The following ADGRA3 variants were observed in gnomAD, a reference collection of about 807,000 sequenced individuals.
ADGRA3 encodes adhesion G protein-coupled receptor A3, also known as G-protein coupled receptor 125.
In ADGRA3, 56 loss-of-function variants were observed where a neutral mutation model predicts 119.8. The ratio of observed to expected loss-of-function variants is 0.47; its 90% CI spans 0.38 to 0.58. The LOEUF (loss-of-function observed/expected upper bound fraction) is 0.58. ADGRA3 is among the 20% of genes least tolerant of loss of function. The probability of loss-of-function intolerance (pLI) is 0.00; values close to 1 mark genes in which losing one functional copy is unlikely to be tolerated. For synonymous variants in ADGRA3, 607 were observed against 623.8 expected, an observed-to-expected ratio of 0.97 and a Z score of 0.40; for missense variants, 1,516 against 1,649.0, an observed-to-expected ratio of 0.92 and a Z score of 1.40.
chr4:22,459,720 C>T (rs1185792988), intron 3 of ADGRA3, among the ~76,000 whole-genome samples: 2 of 152,008 alleles, frequency 1.3e-5, no homozygotes, highest in Admixed American at 6.6e-5. Context: ...AAACAAGACA[C>T]AGAGCCCACC....
chr4:22,490,253 CTG>C (rs10535190), intron 1 of ADGRA3, among the ~76,000 whole-genome samples: 71,497 of 151,920 alleles, frequency 0.47, 18,508 homozygotes, highest in East Asian at 0.61. Context: ...AAATGAAAAA[CTG>C]TTTATTAAAT....
chr4:22,493,619 G>A (rs902982373), intron 1 of ADGRA3, among the ~76,000 whole-genome samples: 3 of 152,142 alleles, frequency 2.0e-5, no homozygotes, highest in Non-Finnish European at 2.9e-5. Context: ...AAAGCACTAG[G>A]ACTTTTTACC....
At chr4:22,440,662 A>G (rs1716576132) in intron 7 of ADGRA3, among the ~76,000 whole-genome samples, 1 of 152,316 alleles carries the variant, frequency 6.6e-6, no homozygotes, top group African/African-American at 2.4e-5. Context: ...CAGTAAATCT[A>G]CTTATTTTAT....
chr4:22,513,507 A>ATTTT (rs373030821), intron 1 of ADGRA3, among the ~76,000 whole-genome samples: 1 of 147,484 alleles, frequency 6.8e-6, no homozygotes, highest in Admixed American at 6.8e-5. Flanking sequence ...CACTAAACAA[A>ATTTT]TTTTTTTTTT....
chr4:22,437,781 G>C (rs187722412), intron 8 of ADGRA3, among the ~76,000 whole-genome samples: 5 of 152,162 alleles, frequency 3.3e-5, no homozygotes, highest in African/African-American at 1.2e-4. Flanking sequence ...ATTTCCAGAA[G>C]AACTGAACAA....
chr4:22,501,775 GAA>G (rs112669194), intron 1 of ADGRA3, among the ~76,000 whole-genome samples: 6 of 139,806 alleles, frequency 4.3e-5, no homozygotes, highest in East Asian at 2.1e-4. Flanking sequence ...GGGAAAAGAT[GAA>G]AAAAAAAAAC....
At chr4:22,393,794 T>G (rs901372842) in intron 16 of ADGRA3, 3 of 152,192 alleles carry the variant, frequency 2.0e-5, no homozygotes, top group Non-Finnish European at 4.4e-5. Context: ...CTTTCCTCAA[T>G]TTAATAGTAG....
intron 10 of ADGRA3, among the ~76,000 whole-genome samples, chr4:22,425,575 G>A (rs716411): frequency 6.6e-6 from 1 of 152,126 alleles, no homozygotes; most frequent in Admixed American, 6.5e-5. Context: ...CCAGAGGTAG[G>A]ATCAGACAAT....
rs570631631 is a variant in ADGRA3, at chr4:22,502,132, A to G, written c.257+13396T>C. Among the ~76,000 whole-genome samples, 280 of 152,338 alleles carry G rather than the reference A, an allele frequency of 1.8e-3. 2 individuals are homozygous for G. Among genetic ancestry groups the G allele is most frequent in the African/African-American group, 6.4e-3 (267 of 41,584 alleles). Reference sequence around the variant, plus strand: ...CTGTATCTATTTTGGCAGGGAAACCATGCAGCCAAGCTAGCCAGGTACTCC... The same window carrying G: ...CTGTATCTATTTTGGCAGGGAAACCGTGCAGCCAAGCTAGCCAGGTACTCC... On this transcript the variant is annotated intron_variant, in intron 1 of 18. Transcript: ENST00000334304.
intron 12 of ADGRA3, among the ~76,000 whole-genome samples, chr4:22,415,048 T>A (rs1439964445): frequency 3.3e-5 from 5 of 151,536 alleles, no homozygotes; most frequent in African/African-American, 1.2e-4. Flanking sequence ...CACACAACAC[T>A]CTGCACACAT....
chr4:22,471,815 A>G (rs1717866462), intron 2 of ADGRA3, among the ~76,000 whole-genome samples: 1 of 152,210 alleles, frequency 6.6e-6, no homozygotes, highest in Non-Finnish European at 1.5e-5. Context: ...GGATTCGTGA[A>G]TAAACATACC....
intron 2 of ADGRA3, among the ~76,000 whole-genome samples, chr4:22,471,940 A>C (rs967451055): frequency 2.0e-5 from 3 of 152,204 alleles, no homozygotes; most frequent in Admixed American, 2.0e-4. Flanking sequence ...GTCAAAGACA[A>C]GGGAAATTAA....
chr4:22,388,859 T>C lies in ADGRA3; in HGVS notation c.2812A>G (p.Ile938Val). The C allele has an allele frequency of 1.9e-6, 3 of 1,614,104 alleles. No homozygotes were observed. The highest frequency in any genetic ancestry group is 2.2e-5 in the East Asian group (1 of 44,864). Residue 938 changes from isoleucine (I) to valine (V), a missense_variant, in exon 19 of 19, where the codon ATA (isoleucine) becomes GTA (valine). Physicochemically the swap from Ile to Val is conservative, Grantham distance 29. This residue lies in a region of ADGRA3 where 1,088 missense variants were observed against 1,107.1 expected (regional missense o/e 0.98). Transcript: ENST00000334304. ...GGGTGTCTTTTCAACTGAATAAATATGCTCAGAAAGTACATGCAGTTTACA... is the reference window on the plus strand; with the variant it reads ...GGGTGTCTTTTCAACTGAATAAATACGCTCAGAAAGTACATGCAGTTTACA... ...TFVNCMYFLS[I>V]FIQLKRHPER...
chr4:22,515,517 G>C lies in ADGRA3; in HGVS notation c.257+11C>G, dbSNP rs759653469. 1.2e-6 allele frequency: 2 copies of C among 1,603,452 alleles called. No homozygotes were observed. The highest frequency in any genetic ancestry group is 1.1e-5 in the South Asian group (1 of 90,328). ...AGCGGGAGAGGACCCAGCGTCGCGG[G>C]AGATACTCACAGGGTGACCGTGCGG... On this transcript the variant is annotated intron_variant, in intron 1 of 18. Transcript: ENST00000334304.
chr4:22,464,508 A>T (rs1717582608), intron 2 of ADGRA3, among the ~76,000 whole-genome samples: 1 of 152,182 alleles, frequency 6.6e-6, no homozygotes, highest in Non-Finnish European at 1.5e-5. Flanking sequence ...ATTTCAACAG[A>T]AAGAGGAATA....
intron 4 of ADGRA3, among the ~76,000 whole-genome samples, chr4:22,449,638 G>GAA (rs1716960683): frequency 1.3e-5 from 2 of 152,130 alleles, no homozygotes; most frequent in Admixed American, 1.3e-4. Flanking sequence ...CCTGTGGTGA[G>GAA]AAGTTTGAGA....
intron 7 of ADGRA3, among the ~76,000 whole-genome samples, chr4:22,440,633 T>A (rs73800958): frequency 0.013 from 1,939 of 152,270 alleles, 39 homozygotes; most frequent in African/African-American, 0.043. Context: ...TAAGCATGAC[T>A]TGCAGAAATA....
chr4:22,491,875 C>T (rs1489927834), intron 1 of ADGRA3, among the ~76,000 whole-genome samples: 1 of 152,176 alleles, frequency 6.6e-6, no homozygotes, highest in Admixed American at 6.5e-5. Flanking sequence ...TTCTTTAACA[C>T]ACTGGTCAAC....
chr4:22,413,106 ACACTTCATTTGAGCTT>A, intron 14 of ADGRA3, 60 bp downstream of exon 14: 1 of 1,144,648 alleles, frequency 8.7e-7, no homozygotes, highest in Non-Finnish European at 1.3e-6. Flanking sequence ...AAACAAAAAA[ACACTTCATTTGAGCTT>A]AATTATGCAT....
Sources: allele counts gnomAD v4.1 joint callset (sites outside exome capture counted in the v4.1 genomes callset), GRCh38; gene constraint gnomAD v4.1.1; regional missense constraint gnomAD v4.1.1; transcripts MANE v1.5; gene names NCBI Gene and HGNC (gene_info 2026-07-23, HGNC 2026-07-21).